DOCK5: variants seen among roughly 807,000 people sequenced by gnomAD.
DOCK5 encodes dedicator of cytokinesis 5.
In DOCK5, 142 loss-of-function variants were observed where a neutral mutation model predicts 251.8. That is an observed-to-expected ratio of 0.56 (90% CI 0.49 to 0.65). The LOEUF (loss-of-function observed/expected upper bound fraction) is 0.65, where lower values mean the gene tolerates loss of function less well. Among genes scored for constraint, DOCK5 ranks in the 30% least tolerant of loss-of-function variants. DOCK5 has a pLI of 0.00. For missense variants in DOCK5, 2,111 were observed against 2,312.3 expected (o/e 0.91, Z 1.79); for synonymous variants, 842 against 835.5 (o/e 1.01, Z -0.13).
chr8:25,411,090 C>G (rs1801624003), intron 51 of DOCK5, 104 bp from the exon 52 acceptor site: 1 of 1,349,438 alleles, frequency 7.4e-7, no homozygotes, highest in East Asian at 3.1e-5. Flanking sequence ...TAGATAAACT[C>G]AGATCAATTA....
chr8:25,303,005 A>G (rs1804808543), intron 10 of DOCK5, among the ~76,000 whole-genome samples: 1 of 152,210 alleles, frequency 6.6e-6, no homozygotes, highest in Non-Finnish European at 1.5e-5. Context: ...TTGCACAACA[A>G]TGTGAATACA....
At chr8:25,315,097 A>C (rs1434236414) in intron 13 of DOCK5, among the ~76,000 whole-genome samples, 1 of 40,438 alleles carries the variant, frequency 2.5e-5, no homozygotes, top group Non-Finnish European at 7.6e-5. Context: ...CTCGCTGAAA[A>C]CATCTTACTG....
chr8:25,324,045 T>C, intron 17 of DOCK5, 94 bp downstream of exon 17: 1 of 1,322,686 alleles, frequency 7.6e-7, no homozygotes, highest in Non-Finnish European at 1.0e-6. Context: ...ATCAGAAACC[T>C]TTCTAGAGCT....
chr8:25,359,959 G>A (rs1800647248), intron 28 of DOCK5, among the ~76,000 whole-genome samples: 1 of 152,254 alleles, frequency 6.6e-6, no homozygotes, highest in African/African-American at 2.4e-5. Context: ...GGGATTATTA[G>A]TGGCCCTTCA....
intron 51 of DOCK5, 59 bp from the exon 52 acceptor site, chr8:25,411,135 A>G (rs1000052004): frequency 6.2e-6 from 9 of 1,445,676 alleles, no homozygotes; most frequent in African/African-American, 1.5e-5. Flanking sequence ...TAGGAGGAGA[A>G]GGCAGAATTG....
At chr8:25,266,957 A>T (rs1382552575) in intron 2 of DOCK5, among the ~76,000 whole-genome samples, 1 of 152,216 alleles carries the variant, frequency 6.6e-6, no homozygotes, top group Admixed American at 6.5e-5. Flanking sequence ...AGTGGAATGA[A>T]GTTTGTATTG....
intron 38 of DOCK5, among the ~76,000 whole-genome samples, chr8:25,378,868 A>C (rs1321388364): frequency 6.6e-6 from 1 of 152,238 alleles, no homozygotes; most frequent in Non-Finnish European, 1.5e-5. Flanking sequence ...TGATAAATAA[A>C]GAGAAAGAGT....
intron 27 of DOCK5, among the ~76,000 whole-genome samples, chr8:25,356,858 C>T (rs576164834): frequency 3.5e-5 from 5 of 141,590 alleles, no homozygotes; most frequent in African/African-American, 1.0e-4. Context: ...AGTTAAAATA[C>T]AAGAAAACAA....
At chr8:25,398,247 A>G (rs1801380190) in intron 45 of DOCK5, among the ~76,000 whole-genome samples, 1 of 152,226 alleles carries the variant, frequency 6.6e-6, no homozygotes, top group African/African-American at 2.4e-5. Flanking sequence ...ACAACTTTCA[A>G]AAATTTCAAG....
At chr8:25,239,889 G>A (rs780405501) in intron 1 of DOCK5, among the ~76,000 whole-genome samples, 1 of 152,150 alleles carries the variant, frequency 6.6e-6, no homozygotes, top group Non-Finnish European at 1.5e-5. Context: ...GCACTACTTG[G>A]ATGACTTCCT....
intron 1 of DOCK5, among the ~76,000 whole-genome samples, chr8:25,192,434 G>A (rs142679893): frequency 2.6e-5 from 4 of 152,268 alleles, no homozygotes; most frequent in African/African-American, 9.6e-5. Flanking sequence ...CGTCACCTTG[G>A]TTTTGCCCTG....
chr8:25,377,799 G>T (rs947980283), intron 38 of DOCK5, among the ~76,000 whole-genome samples: 4 of 152,190 alleles, frequency 2.6e-5, no homozygotes, highest in African/African-American at 7.2e-5. Flanking sequence ...CAAGCGTGGG[G>T]CTTCTGTGTC....
intron 13 of DOCK5, among the ~76,000 whole-genome samples, chr8:25,315,229 A>G (rs969635133): frequency 3.3e-5 from 5 of 150,276 alleles, no homozygotes; most frequent in African/African-American, 7.3e-5. Flanking sequence ...CACTGTGAGG[A>G]TGTCAGTCAG....
intron 1 of DOCK5, among the ~76,000 whole-genome samples, chr8:25,201,985 G>T (rs1801889428): frequency 6.6e-6 from 1 of 152,060 alleles, no homozygotes; most frequent in Non-Finnish European, 1.5e-5. Context: ...TATCTTGCAA[G>T]AATCTTCCTG....
chr8:25,302,320 T>A lies in DOCK5; in HGVS notation c.847-5T>A, dbSNP rs1477627710. The A allele has an allele frequency of 6.2e-7, 1 of 1,604,144 alleles. No individual in the cohort carries two copies. The highest frequency in any genetic ancestry group is 1.3e-5 in the African/African-American group (1 of 74,676). On this transcript the variant is annotated splice_region_variant and splice_polypyrimidine_tract_variant and intron_variant, in intron 9 of 51. Coordinates refer to ENST00000276440, the MANE Select transcript of DOCK5 (RefSeq NM_024940.8). The stretch of plus-strand genomic sequence containing the variant: ...CCTCCTCTCACACTTTCTCTGCCCC[T>A]TTAGGACCTTAGCAGCATGGACCTC...
rs116832803 is a variant in DOCK5 at position 25,358,580 on chromosome 8, G to A, written c.2851-383G>A. ...TCTTTTCCTGCTAGCCTTCCTCCCC[G>A]TTAAGATTTGTTTAACTAATCTAAG... is the stretch of plus-strand genomic sequence containing the variant. On this transcript the variant is annotated intron_variant, in intron 27 of 51. Transcript: ENST00000276440. Among the ~76,000 whole-genome samples the A allele has an allele frequency of 4.9e-3, 745 of 152,144 alleles. 5 individuals are homozygous for A. Among genetic ancestry groups the A allele is most frequent in the African/African-American group, 0.017 (708 of 41,514 alleles).
At chr8:25,291,616 G>A (rs1233220569) in intron 5 of DOCK5, among the ~76,000 whole-genome samples, 1 of 151,322 alleles carries the variant, frequency 6.6e-6, no homozygotes, top group Non-Finnish European at 1.5e-5. Flanking sequence ...CTGGGAGGTG[G>A]AGGTTACAGT....
intron 1 of DOCK5, among the ~76,000 whole-genome samples, chr8:25,233,114 C>G (rs1338929033): frequency 1.3e-5 from 2 of 152,120 alleles, no homozygotes; most frequent in Non-Finnish European, 2.9e-5. Flanking sequence ...CTCCACTCTC[C>G]TGGTCTCAGA....
At chr8:25,329,725 G>T (rs767082208) in intron 18 of DOCK5, among the ~76,000 whole-genome samples, 2 of 152,074 alleles carry the variant, frequency 1.3e-5, no homozygotes, top group Non-Finnish European at 2.9e-5. Context: ...GTTCATGGCG[G>T]AATTGCTTAT....
Sources: allele counts gnomAD v4.1 joint callset (sites outside exome capture counted in the v4.1 genomes callset), GRCh38; gene constraint gnomAD v4.1.1; transcripts MANE v1.5; gene names NCBI Gene and HGNC (gene_info 2026-07-23, HGNC 2026-07-21).